Variants in PRKCA observed in about 807,000 individuals in gnomAD.
PRKCA encodes protein kinase C alpha, also known as protein kinase C alpha type.
PRKCA carries 27 observed loss-of-function variants against 87.0 expected under a neutral mutation model. The observed-to-expected ratio is 0.31, with a 90% CI of 0.23 to 0.43. The LOEUF is 0.43. Among genes scored for constraint, PRKCA ranks in the 20% least tolerant of loss-of-function variants. The probability of loss-of-function intolerance (pLI) is 1.00; values close to 1 mark genes in which losing one functional copy is unlikely to be tolerated. For missense variants in PRKCA, 518 were observed against 852.3 expected (o/e 0.61, Z 4.88); for synonymous variants, 329 against 311.1 (o/e 1.06, Z -0.61).
At chr17:66,564,072 TTCTTTCTTTC>T (rs1177154772) in intron 3 of PRKCA, among the ~76,000 whole-genome samples, 8 of 151,678 alleles carry the variant, frequency 5.3e-5, no homozygotes, top group African/African-American at 1.7e-4. Flanking sequence ...CCTTTCTTCC[TTCTTTCTTTC>T]TCTTTCTTTC....
At chr17:66,428,062 A>G (rs569473358) in intron 2 of PRKCA, among the ~76,000 whole-genome samples, 1 of 152,292 alleles carries the variant, frequency 6.6e-6, no homozygotes, top group East Asian at 1.9e-4. Flanking sequence ...GGTTTGACTG[A>G]TAGCCCCTTA....
chr17:66,666,168 A>G (rs1198274597), intron 5 of PRKCA, among the ~76,000 whole-genome samples: 1 of 152,276 alleles, frequency 6.6e-6, no homozygotes, highest in Non-Finnish European at 1.5e-5. Flanking sequence ...CATAGACTAC[A>G]TAGAGCAGAA....
chr17:66,322,445 A>G (rs974839480), intron 2 of PRKCA, among the ~76,000 whole-genome samples: 3 of 152,124 alleles, frequency 2.0e-5, no homozygotes, highest in African/African-American at 4.8e-5. Flanking sequence ...AATTTAGACT[A>G]TTTTTAAGAA....
intron 2 of PRKCA, among the ~76,000 whole-genome samples, chr17:66,414,012 C>T (rs78690860): frequency 8.5e-6 from 1 of 118,318 alleles, no homozygotes; most frequent in Admixed American, 8.4e-5. Context: ...GACTGCATCT[C>T]AAAAAAAAAA....
At chr17:66,411,135 A>G (rs1037834361) in intron 2 of PRKCA, among the ~76,000 whole-genome samples, 2 of 151,804 alleles carry the variant, frequency 1.3e-5, no homozygotes, top group Admixed American at 6.6e-5. Context: ...GCAGTGGTGC[A>G]GTCATGGCTC....
chr17:66,336,754 TTGTGTGTGTGTGTGTG>T lies in PRKCA; in HGVS notation c.205+30661_205+30676del, dbSNP rs148842588. 9.5e-3 allele frequency among the ~76,000 whole-genome samples: 1,268 copies of T among 133,722 alleles called. 15 individuals are homozygous for T. The highest frequency in any genetic ancestry group is 0.028 in the African/African-American group (1,002 of 36,432). 87.7% of individuals were successfully genotyped at this position (133,722 alleles called of 152,430 possible). ...ACATCCTGAACCCCTGCAAATAAGT[TTGTGTGTGTGTGTGTG>T]TGTGTGTGTGTGTGTGTGTGTGTGT... On this transcript the variant is annotated intron_variant, in intron 2 of 16. Coordinates refer to ENST00000413366, the MANE Select transcript of PRKCA (RefSeq NM_002737.3).
At chr17:66,697,406 A>C (rs937410003) in intron 8 of PRKCA, among the ~76,000 whole-genome samples, 2 of 152,196 alleles carry the variant, frequency 1.3e-5, no homozygotes, top group African/African-American at 4.8e-5. Context: ...GTTTCAGAAC[A>C]CTGTTGGAGG....
intron 13 of PRKCA, among the ~76,000 whole-genome samples, chr17:66,766,529 G>A (rs1974815602): frequency 6.6e-6 from 1 of 152,180 alleles, no homozygotes; most frequent in African/African-American, 2.4e-5. Flanking sequence ...CAACACTGTT[G>A]CTTCAGCCCT....
intron 5 of PRKCA, among the ~76,000 whole-genome samples, chr17:66,684,215 T>C (rs779072847): frequency 6.6e-6 from 1 of 152,224 alleles, no homozygotes; most frequent in Non-Finnish European, 1.5e-5. Context: ...GCAATTATGA[T>C]CATCACTATT....
At chr17:66,622,100 G>A (rs965883689) in intron 3 of PRKCA, among the ~76,000 whole-genome samples, 8 of 152,144 alleles carry the variant, frequency 5.3e-5, no homozygotes, top group African/African-American at 1.7e-4. Context: ...GAGGCAGGAG[G>A]ATTGCTTGAG....
At chr17:66,463,385 T>G (rs55954518) in intron 2 of PRKCA, among the ~76,000 whole-genome samples, 3 of 134,494 alleles carry the variant, frequency 2.2e-5, no homozygotes, top group South Asian at 2.1e-4. Flanking sequence ...ATTCTGTGTT[T>G]TTTTTTTTTT....
intron 13 of PRKCA, among the ~76,000 whole-genome samples, chr17:66,744,854 T>C (rs1271644423): frequency 2.0e-5 from 3 of 152,198 alleles, no homozygotes; most frequent in Admixed American, 6.5e-5. Flanking sequence ...ATCCATGCCT[T>C]TTCCAACATC....
chr17:66,715,788 G>A (rs954157654), intron 8 of PRKCA, among the ~76,000 whole-genome samples: 3 of 151,792 alleles, frequency 2.0e-5, no homozygotes, highest in East Asian at 1.9e-4. Flanking sequence ...GTGCCATCTT[G>A]CCCCATTTAC....
At chr17:66,578,151 A>G (rs1032849790) in intron 3 of PRKCA, among the ~76,000 whole-genome samples, 2 of 151,372 alleles carry the variant, frequency 1.3e-5, no homozygotes, top group East Asian at 1.9e-4. Context: ...AAAACAAAAC[A>G]AAACAAAACA....
At chr17:66,534,402 A>G (rs7221053) in intron 3 of PRKCA, among the ~76,000 whole-genome samples, 1 of 151,884 alleles carries the variant, frequency 6.6e-6, no homozygotes, top group African/African-American at 2.4e-5. Context: ...GTGTGGTAGC[A>G]CAAGCTTGTA....
intron 3 of PRKCA, among the ~76,000 whole-genome samples, chr17:66,527,347 A>G (rs1056838460): frequency 1.3e-4 from 20 of 152,164 alleles, no homozygotes; most frequent in African/African-American, 4.1e-4. Context: ...GACCAATGCA[A>G]TTTGCATCCA....
intron 9 of PRKCA, among the ~76,000 whole-genome samples, chr17:66,734,905 C>T (rs1044116409): frequency 2.0e-5 from 3 of 152,090 alleles, no homozygotes; most frequent in Non-Finnish European, 2.9e-5. Flanking sequence ...TGTGTTGTTA[C>T]TATTTCTCAG....
chr17:66,713,452 C>T (rs1973390541), intron 8 of PRKCA, among the ~76,000 whole-genome samples: 2 of 152,178 alleles, frequency 1.3e-5, no homozygotes, highest in African/African-American at 2.4e-5. Context: ...CCGTACCCCA[C>T]CCTACTCCCA....
chr17:66,544,057 AT>A (rs1968074492), intron 3 of PRKCA, among the ~76,000 whole-genome samples: 1 of 152,160 alleles, frequency 6.6e-6, no homozygotes, highest in Admixed American at 6.5e-5. Context: ...ACTAAAAAAA[AT>A]ACAAAAATTA....
Sources: gnomAD v4.1 joint callset for allele counts (sites outside exome capture counted in the v4.1 genomes callset) on GRCh38, gnomAD v4.1.1 for gene constraint, MANE v1.5 for transcripts, NCBI Gene and HGNC (gene_info 2026-07-23, HGNC 2026-07-21) for gene names.